The following ANKS3 variants were observed in gnomAD, a reference collection of about 807,000 sequenced individuals.
ANKS3 encodes the protein ankyrin repeat and sterile alpha motif domain containing 3.
A neutral mutation model predicts 80.7 loss-of-function variants in ANKS3; 62 were observed. That is an observed-to-expected ratio of 0.77 (90% CI 0.63 to 0.95). The LOEUF (loss-of-function observed/expected upper bound fraction) is 0.95. Ranked by LOEUF, ANKS3 falls within the 40% of genes least tolerant of loss-of-function variation. The probability of loss-of-function intolerance (pLI) is 0.00; values close to 1 mark genes in which losing one functional copy is unlikely to be tolerated. For missense variants in ANKS3, 1,150 were observed against 883.6 expected (o/e 1.30, Z -3.82); for synonymous variants, 489 against 355.3 (o/e 1.38, Z -4.23).
chr16:4,697,983 G>C lies in ANKS3; in HGVS notation c.1804C>G (p.Pro602Ala), dbSNP rs992414147. The change falls in exon 15 of 18, where the codon CCA (proline) becomes GCA (alanine). Residue 602 changes from proline (P) to alanine (A), a missense_variant. Pro to Ala is a conservative substitution (Grantham distance 27, BLOSUM62 -1). Coordinates refer to ENST00000304283, the MANE Select transcript of ANKS3 (RefSeq NM_133450.4). Reference protein sequence around the residue: ...GAATLGLAVPPADSKGWQASL... With the variant: ...GAATLGLAVPAADSKGWQASL... ...GTCAGGCCACTGCTCTTACCAGCTG[G>C]GGGGACGGCTAGGCCCAGAGTGGCT... 3 of 1,593,398 alleles carry C rather than the reference G, an allele frequency of 1.9e-6. No homozygotes were observed. The highest frequency in any genetic ancestry group is 2.6e-6 in the Non-Finnish European group (3 of 1,171,054).
At chr16:4,699,339 G>A (rs1425515554) in intron 11 of ANKS3, 163 bp from the exon 12 acceptor site, 7 of 909,470 alleles carry the variant, frequency 7.7e-6, no homozygotes, top group Admixed American at 7.6e-5. Flanking sequence ...CTCAGGCAGG[G>A]CAGGATGTTG....
chr16:4,710,866 T>C (rs113238829), intron 7 of ANKS3, among the ~76,000 whole-genome samples: 7,285 of 152,316 alleles, frequency 0.048, 275 homozygotes, highest in African/African-American at 0.11. Flanking sequence ...TGGCGTGATT[T>C]TGGCTTACTG....
chr16:4,701,758 C>A, intron 9 of ANKS3: 1 of 527,622 alleles, frequency 1.9e-6, no homozygotes, highest in East Asian at 3.1e-5. Flanking sequence ...CCCAAGCACC[C>A]GGAGCAGTGC....
rs763307507 is a variant in ANKS3, at chr16:4,698,427, C to T, written c.1724G>A (p.Arg575Gln). 49 of 1,514,866 alleles carry T rather than the reference C, an allele frequency of 3.2e-5. No individual in the cohort carries two copies. The highest frequency in any genetic ancestry group is 1.1e-4 in the African/African-American group (8 of 72,836). 93.8% of individuals were successfully genotyped at this position (1,514,866 alleles called of 1,614,324 possible). A position where few individuals can be genotyped will look rare whatever the true frequency, so the allele number is the denominator to read the frequency against. ...RDAALVLDQLRACQAELSSRV... is the reference protein window; with the variant it reads ...RDAALVLDQLQACQAELSSRV... ...CCCAGGGCAGCTCAGAGCCACTCAC[C>T]GCAGCTGGTCCAGGACGAGGGCAGC... Residue 575 changes from arginine to glutamine, a missense_variant and splice_region_variant, in exon 14 of 18, where the codon CGA (arginine) becomes CAA (glutamine). Arg to Gln is a conservative substitution (Grantham distance 43). Coordinates refer to ENST00000304283, the MANE Select transcript of ANKS3 (RefSeq NM_133450.4).
intron 11 of ANKS3, chr16:4,699,479 T>C (rs2079779668): frequency 2.5e-6 from 1 of 397,178 alleles, no homozygotes; most frequent in Non-Finnish European, 4.7e-6. Flanking sequence ...ATCTCGACAA[T>C]GCTTTGTAGG....
rs2081391730 is a variant in ANKS3 at position 4,727,069 on chromosome 16, C to T, written c.279G>A (p.Val93=). 1 of 1,614,056 alleles carries T rather than the reference C, an allele frequency of 6.2e-7. No homozygotes were observed. Among genetic ancestry groups the T allele is most frequent in the Admixed American group, 1.7e-5 (1 of 60,002 alleles). Residue 93 remains valine, a synonymous_variant, in exon 4 of 18, where the codon GTG becomes GTA. Coordinates refer to ENST00000304283, the MANE Select transcript of ANKS3 (RefSeq NM_133450.4). The part of the protein sequence containing the change: ...TIVHLLLEAG[V]SVNVPTPEGQ... Reference sequence around the variant, plus strand: ...CTTCTGGGGTCGGCACATTCACACTCACCCCCGCCTCAAGCAGCAGGTGCA... The same window carrying T: ...CTTCTGGGGTCGGCACATTCACACTTACCCCCGCCTCAAGCAGCAGGTGCA...
At chr16:4,733,871 G>A (rs1007722454) in intron 1 of ANKS3, 67 bp downstream of exon 1, 12 of 971,022 alleles carry the variant, frequency 1.2e-5, no homozygotes, top group Non-Finnish European at 1.5e-5. Flanking sequence ...TCGCCCCGTG[G>A]AACCGCATCG....
intron 6 of ANKS3, among the ~76,000 whole-genome samples, chr16:4,720,461 CAA>C (rs113815312): frequency 7.6e-6 from 1 of 131,312 alleles, no homozygotes; most frequent in Non-Finnish European, 1.7e-5. Context: ...GACTCCATCT[CAA>C]AAAAAAAAAA....
intron 7 of ANKS3, among the ~76,000 whole-genome samples, chr16:4,709,209 C>G (rs1180024491): frequency 6.6e-6 from 1 of 151,676 alleles, no homozygotes; most frequent in Non-Finnish European, 1.5e-5. Context: ...GAGTTCGAGA[C>G]CACCCTGACC....
Position 4,697,366 on chromosome 16 carries a change from A to C in ANKS3, c.1861T>G (p.Ser621Ala), listed in dbSNP as rs759934558. ...SLQAMSLPEL[S>A]GALEDRVREM... ...CGGACACGGTCCTCCAGGGCTCCCG[A>C]GAGCTCGGGGAGGCTCATGGCCTGC... Residue 621 changes from serine (S) to alanine (A), a missense_variant, in exon 16 of 18, where the codon TCG becomes GCG. Coordinates refer to ENST00000304283, the MANE Select transcript of ANKS3 (RefSeq NM_133450.4). 8 of 1,609,918 alleles carry C rather than the reference A, an allele frequency of 5.0e-6. No homozygotes were observed. In the African/African-American group the frequency reaches 9.4e-5, roughly 19 times the overall value.
At chr16:4,707,594 A>C (rs2080267780) in intron 7 of ANKS3, among the ~76,000 whole-genome samples, 1 of 152,168 alleles carries the variant, frequency 6.6e-6, no homozygotes, top group East Asian at 1.9e-4. Context: ...GACACTTCTA[A>C]TACTAAAAGC....
chr16:4,706,854 G>C (rs960476111), intron 7 of ANKS3, among the ~76,000 whole-genome samples: 1 of 152,212 alleles, frequency 6.6e-6, no homozygotes, highest in African/African-American at 2.4e-5. Flanking sequence ...AAGAGGCTGG[G>C]CTGAGCCTGA....
intron 6 of ANKS3, among the ~76,000 whole-genome samples, chr16:4,718,157 C>T (rs146210373): frequency 1.2e-4 from 18 of 151,262 alleles, no homozygotes; most frequent in African/African-American, 1.7e-4. Flanking sequence ...CAGCCTCAAG[C>T]GATCTTCCCA....
intron 7 of ANKS3, among the ~76,000 whole-genome samples, chr16:4,707,759 A>G (rs1464550191): frequency 1.3e-5 from 2 of 152,232 alleles, no homozygotes; most frequent in Non-Finnish European, 1.5e-5. Context: ...CAGATATGCT[A>G]AACTGTATAC....
At chr16:4,725,985 T>C (rs1395102129) in intron 5 of ANKS3, among the ~76,000 whole-genome samples, 2 of 149,340 alleles carry the variant, frequency 1.3e-5, no homozygotes, top group African/African-American at 4.9e-5. Context: ...TTTTTGTTTT[T>C]TTTTTTTTGA....
chr16:4,714,990 C>CAAAAAAAAAAAAAAAAAAAAAAAAAA lies in ANKS3; in HGVS notation c.574-805_574-804insTTTTTTTTTTTTTTTTTTTTTTTTTT, dbSNP rs753327026. On this transcript the variant is annotated intron_variant, in intron 6 of 17. Coordinates refer to ENST00000304283, the MANE Select transcript of ANKS3 (RefSeq NM_133450.4). Reference sequence around the variant, plus strand: ...CTGAAGACAGAGTGAGACTCTGTCTCAAAAAAAAAAAAAAAAAAAAAAAAA... The same window carrying CAAAAAAAAAAAAAAAAAAAAAAAAAA: ...CTGAAGACAGAGTGAGACTCTGTCTCAAAAAAAAAAAAAAAAAAAAAAAAAAAAAAAAAAAAAAAAAAAAAAAAAAA... 8.2e-5 allele frequency among the ~76,000 whole-genome samples: 3 copies of CAAAAAAAAAAAAAAAAAAAAAAAAAA among 36,626 alleles called. 1 individual carries two copies. The highest frequency in any genetic ancestry group is 4.5e-4 in the African/African-American group (3 of 6,698). 24.0% of individuals were successfully genotyped at this position (36,626 alleles called of 152,430 possible).
At chr16:4,697,183 G>C in intron 16 of ANKS3, 79 bp from the exon 17 acceptor site, 1 of 1,568,034 alleles carries the variant, frequency 6.4e-7, no homozygotes, top group Non-Finnish European at 8.7e-7. Flanking sequence ...CTCAGCTGCA[G>C]GATGTGACCT....
In ANKS3 at chr16:4,698,139, G is replaced by A. The variant is rs541627891; in HGVS notation, c.1725-77C>T. On this transcript the variant is annotated intron_variant, in intron 14 of 17. Transcript: ENST00000304283. ...GAGCCCCCACCTCAGACCTTCTAGG[G>A]GAGGGAGGGGCTCAGCCCTGTCCTT... The A allele has an allele frequency of 1.5e-4, 218 of 1,459,346 alleles. 1 individual carries two copies. Among genetic ancestry groups the A allele is most frequent in the African/African-American group, 1.3e-3 (89 of 71,084 alleles). The allele number at this position is 1,459,346 out of a possible 1,614,324, so 90.4% of individuals were successfully genotyped here. A position where few individuals can be genotyped will look rare whatever the true frequency, so the allele number is the denominator to read the frequency against.
chr16:4,697,209 T>C (rs1398794369), intron 16 of ANKS3, 105 bp from the exon 17 acceptor site: 5 of 1,556,688 alleles, frequency 3.2e-6, no homozygotes, highest in East Asian at 4.5e-5. Context: ...TCACCCGTTA[T>C]GGCCCCAGCC....
Sources: gnomAD v4.1 joint callset for allele counts (sites outside exome capture counted in the v4.1 genomes callset) on GRCh38, gnomAD v4.1.1 for gene constraint, MANE v1.5 for transcripts, NCBI Gene and HGNC (gene_info 2026-07-23, HGNC 2026-07-21) for gene names.